Variants in ANXA4 observed in about 807,000 individuals in gnomAD.
The protein encoded by ANXA4 is 35-beta calcimedin.
A neutral mutation model predicts 49.8 loss-of-function variants in ANXA4; 39 were observed. That is an observed-to-expected ratio of 0.78 (90% CI 0.61 to 1.02). The LOEUF is 1.02. ANXA4 is among the 50% of genes least tolerant of loss of function. ANXA4 has a pLI of 0.00. For missense variants in ANXA4, 360 were observed against 410.1 expected, an observed-to-expected ratio of 0.88 and a Z score of 1.05; for synonymous variants, 134 against 152.5, an observed-to-expected ratio of 0.88 and a Z score of 0.89.
At chr2:69,766,004 A>T (rs1186908643) in intron 1 of ANXA4, among the ~76,000 whole-genome samples, 1 of 152,218 alleles carries the variant, frequency 6.6e-6, no homozygotes, top group Non-Finnish European at 1.5e-5. Flanking sequence ...AGAAACAGGA[A>T]AGTAGAGGCC....
chr2:69,685,142 C>T (rs1313420231), intron 2 of ANXA4, among the ~76,000 whole-genome samples: 1 of 151,900 alleles, frequency 6.6e-6, no homozygotes, highest in East Asian at 1.9e-4. Flanking sequence ...GGTCTGTAAC[C>T]TCAATCTCAG....
At chr2:69,757,769 C>A (rs1288539048) in intron 1 of ANXA4, among the ~76,000 whole-genome samples, 2 of 151,384 alleles carry the variant, frequency 1.3e-5, no homozygotes, top group Non-Finnish European at 2.9e-5. Context: ...CCATCCTGGG[C>A]AACATGGTGA....
At chr2:69,803,734 C>T (rs1382165529) in intron 3 of ANXA4, among the ~76,000 whole-genome samples, 1 of 151,252 alleles carries the variant, frequency 6.6e-6, no homozygotes, top group Non-Finnish European at 1.5e-5. Context: ...AATTAACAGA[C>T]AAGTTTGAAT....
chr2:69,760,563 A>T (rs1357098188), intron 1 of ANXA4, among the ~76,000 whole-genome samples: 5 of 152,206 alleles, frequency 3.3e-5, no homozygotes, highest in African/African-American at 1.2e-4. Context: ...CTGAATAATT[A>T]AGTGGATTAT....
intron 1 of ANXA4, among the ~76,000 whole-genome samples, chr2:69,758,977 G>A (rs1030679549): frequency 7.9e-5 from 12 of 151,830 alleles, no homozygotes; most frequent in Non-Finnish European, 2.9e-5. Context: ...TACTAAAAGT[G>A]TTCTAAAAAT....
chr2:69,700,693 G>A (rs1404680980), intron 2 of ANXA4, among the ~76,000 whole-genome samples: 4 of 152,110 alleles, frequency 2.6e-5, no homozygotes, highest in Admixed American at 2.0e-4. Flanking sequence ...ACGGAGTAGC[G>A]TGCTATATGG....
At position 69,754,653 on chromosome 2, in the gene ANXA4, A is replaced by G. The variant is rs115879900; in HGVS notation, c.-47+12478A>G. ...TGGGCCTAAGAATTGTACTTTGAAC[A>G]AGGTCCCAGGTGATGGTGATGCTGT... On this transcript the variant is annotated intron_variant, in intron 1 of 12. Coordinates refer to ENST00000394295, the MANE Select transcript of ANXA4 (RefSeq NM_001153.5). Among the ~76,000 whole-genome samples, 1,326 of 152,300 alleles carry G rather than the reference A, an allele frequency of 8.7e-3. 29 individuals carry two copies. The highest frequency in any genetic ancestry group is 0.031 in the African/African-American group (1,280 of 41,556).
At chr2:69,699,663 GAAAC>G (rs1177346002) in intron 2 of ANXA4, among the ~76,000 whole-genome samples, 2 of 151,854 alleles carry the variant, frequency 1.3e-5, no homozygotes, top group African/African-American at 2.4e-5. Context: ...CAAAAAACAA[GAAAC>G]AAACAACAAC....
chr2:69,713,540 C>G (rs1259858359), intron 2 of ANXA4: 1 of 152,104 alleles, frequency 6.6e-6, no homozygotes, highest in African/African-American at 2.4e-5. Flanking sequence ...TCAATAAAGC[C>G]AATTTAAAAA....
At chr2:69,703,062 G>A (rs997765100) in intron 2 of ANXA4, among the ~76,000 whole-genome samples, 4 of 152,112 alleles carry the variant, frequency 2.6e-5, no homozygotes, top group Admixed American at 2.0e-4. Flanking sequence ...CAGAGTCACA[G>A]GGTAATCAGA....
chr2:69,669,196 C>T (rs1175189003), intron 2 of ANXA4, among the ~76,000 whole-genome samples: 9 of 151,554 alleles, frequency 5.9e-5, no homozygotes, highest in South Asian at 2.1e-4. Flanking sequence ...CCACCCGCCT[C>T]GGCCTCCCAA....
chr2:69,816,102 A>G lies in ANXA4; in HGVS notation c.536A>G (p.Asp179Gly). 1 of 1,613,520 alleles carries G rather than the reference A, an allele frequency of 6.2e-7. No individual in the cohort carries two copies. ...GACCTGTGCTTTGTTTGGCTTCAGGACCTGTATGAGGCTGGAGAGAAGAAA... is the reference window on the plus strand; with the variant it reads ...GACCTGTGCTTTGTTTGGCTTCAGGGCCTGTATGAGGCTGGAGAGAAGAAA... ...DDALVRQDAQDLYEAGEKKWG... is the reference protein window; with the variant it reads ...DDALVRQDAQGLYEAGEKKWG... Residue 179 changes from aspartate to glycine, a missense_variant and splice_region_variant, in exon 9 of 13, where the codon GAC (aspartate) becomes GGC (glycine). Coordinates refer to ENST00000394295, the MANE Select transcript of ANXA4 (RefSeq NM_001153.5).
intron 2 of ANXA4, among the ~76,000 whole-genome samples, chr2:69,687,152 G>C (rs1677818570): frequency 1.3e-5 from 2 of 152,176 alleles, no homozygotes; most frequent in South Asian, 2.1e-4. Context: ...GGAAGGATTA[G>C]GGCTCTAATT....
intron 3 of ANXA4, among the ~76,000 whole-genome samples, chr2:69,735,623 T>C (rs1188902791): frequency 6.6e-6 from 1 of 151,270 alleles, no homozygotes; most frequent in African/African-American, 2.4e-5. Flanking sequence ...AAAAATCCCC[T>C]ATTTGCATGT....
At chr2:69,681,014 C>T (rs1320224391) in intron 2 of ANXA4, among the ~76,000 whole-genome samples, 1 of 152,034 alleles carries the variant, frequency 6.6e-6, no homozygotes, top group Non-Finnish European at 1.5e-5. Flanking sequence ...ATAATGCTGG[C>T]CTCATAGAAT....
intron 8 of ANXA4, chr2:69,815,870 C>G (rs1353140937): frequency 2.0e-6 from 1 of 508,606 alleles, no homozygotes; most frequent in Non-Finnish European, 3.6e-6. Context: ...TAGTCTCCAG[C>G]TAGGGAACTG....
chr2:69,779,151 T>C (rs1352544016), intron 1 of ANXA4, among the ~76,000 whole-genome samples: 1 of 128,854 alleles, frequency 7.8e-6, no homozygotes, highest in Non-Finnish European at 1.7e-5. Context: ...GAAGTCAGAA[T>C]GAATCCTTTT....
At chr2:69,676,566 C>A (rs1475781847) in intron 2 of ANXA4, among the ~76,000 whole-genome samples, 1 of 152,008 alleles carries the variant, frequency 6.6e-6, no homozygotes, top group African/African-American at 2.4e-5. Context: ...GTACATATGT[C>A]CTTTGTAGAC....
intron 9 of ANXA4, chr2:69,817,177 GTGCATAAA>G (rs1275304820): frequency 6.6e-6 from 1 of 152,214 alleles, no homozygotes; most frequent in East Asian, 1.9e-4. Flanking sequence ...AGCCGATTTA[GTGCATAAA>G]TGCATTTGCA....
Sources: allele counts gnomAD v4.1 joint callset (sites outside exome capture counted in the v4.1 genomes callset), GRCh38; gene constraint gnomAD v4.1.1; transcripts MANE v1.5; gene names NCBI Gene and HGNC (gene_info 2026-07-23, HGNC 2026-07-21).